PRKN: variants seen among roughly 807,000 people sequenced by gnomAD.
PRKN encodes E3 ubiquitin-protein ligase parkin.
Under a neutral mutation model 59.5 loss-of-function variants are expected in PRKN, and 56 were observed. The ratio of observed to expected loss-of-function variants is 0.94; its 90% CI spans 0.76 to 1.18. The LOEUF (loss-of-function observed/expected upper bound fraction) is 1.18, where lower values mean the gene tolerates loss of function less well. Among genes scored for constraint, PRKN ranks in the 50% most tolerant of loss-of-function variants. PRKN has a pLI of 0.00. For missense variants in PRKN, 657 were observed against 596.4 expected (o/e 1.10, Z -1.06); for synonymous variants, 250 against 222.1 (o/e 1.13, Z -1.12).
intron 2 of PRKN, among the ~76,000 whole-genome samples, chr6:162,358,591 T>C (rs1358404465): frequency 6.6e-6 from 1 of 152,180 alleles, no homozygotes; most frequent in Non-Finnish European, 1.5e-5. Flanking sequence ...ATGATAAAAA[T>C]ATACTTCACC....
In PRKN at chr6:161,497,031, A is replaced by C. The variant is rs867312405; in HGVS notation, c.1083+51823T>G. Among the ~76,000 whole-genome samples the C allele has an allele frequency of 1.7e-4, 26 of 152,310 alleles. No homozygotes were observed. Among genetic ancestry groups the C allele is most frequent in the Middle Eastern group, 6.8e-3 (2 of 294 alleles). On this transcript the variant is annotated intron_variant, in intron 9 of 11. Coordinates refer to ENST00000366898, the MANE Select transcript of PRKN (RefSeq NM_004562.3). The surrounding 1 kb of genome is among the most constrained non-coding windows in gnomAD (Gnocchi z 4.6). ...TGTGGCACTTTATAATGGCAGCCCT[A>C]GGAGCAAATACATCAAGGCAGAAAA...
intron 3 of PRKN, 87 bp downstream of exon 3, chr6:162,262,438 A>C (rs766556838): frequency 6.6e-7 from 1 of 1,518,164 alleles, no homozygotes. Context: ...CATAAACTAA[A>C]TATGCACCCG....
chr6:162,042,114 T>TC (rs1784088518), intron 5 of PRKN, among the ~76,000 whole-genome samples: 1 of 152,100 alleles, frequency 6.6e-6, no homozygotes, highest in Admixed American at 6.5e-5. Flanking sequence ...CTTCTCCATT[T>TC]ATATTTGCTT....
intron 1 of PRKN, among the ~76,000 whole-genome samples, chr6:162,530,680 G>A (rs1450643021): frequency 6.6e-6 from 1 of 152,156 alleles, no homozygotes; most frequent in South Asian, 2.1e-4. Context: ...ATGAGGGATC[G>A]CTATTAGCAG....
intron 1 of PRKN, among the ~76,000 whole-genome samples, chr6:162,667,882 A>G (rs1779164596): frequency 6.6e-6 from 1 of 152,164 alleles, no homozygotes; most frequent in African/African-American, 2.4e-5. Flanking sequence ...AAATTAAATG[A>G]TACATGCAAA....
intron 4 of PRKN, among the ~76,000 whole-genome samples, chr6:162,140,445 G>C (rs1287103869): frequency 2.0e-5 from 3 of 152,158 alleles, no homozygotes. Flanking sequence ...ATGAAGAAAA[G>C]CAATCGTGAC....
intron 7 of PRKN, among the ~76,000 whole-genome samples, chr6:161,617,006 A>C (rs918404614): frequency 3.3e-5 from 5 of 152,150 alleles, no homozygotes; most frequent in African/African-American, 1.2e-4. Flanking sequence ...CAATGGTTGA[A>C]CTAATTTACA....
At chr6:162,374,544 TTTG>T (rs1785950257) in intron 2 of PRKN, among the ~76,000 whole-genome samples, 1 of 152,078 alleles carries the variant, frequency 6.6e-6, no homozygotes, top group South Asian at 2.1e-4. Context: ...TATTTGTTTG[TTTG>T]TTTATTTATT....
At chr6:162,226,971 C>T (rs559038791) in intron 3 of PRKN, among the ~76,000 whole-genome samples, 64 of 152,312 alleles carry the variant, frequency 4.2e-4, no homozygotes, top group African/African-American at 1.3e-3. Flanking sequence ...TCTCTTGCTG[C>T]GCTAATGATC....
intron 1 of PRKN, among the ~76,000 whole-genome samples, chr6:162,511,869 T>G (rs183942607): frequency 1.3e-3 from 202 of 152,318 alleles, no homozygotes; most frequent in South Asian, 5.0e-3. Flanking sequence ...AGATTTTAAT[T>G]TTTAATAATT....
At chr6:161,750,742 G>A (rs192221242) in intron 7 of PRKN, among the ~76,000 whole-genome samples, 275 of 151,286 alleles carry the variant, frequency 1.8e-3, no homozygotes, top group African/African-American at 6.5e-3. Flanking sequence ...ACTCCAGCCT[G>A]GGCAACAAGT....
intron 6 of PRKN, among the ~76,000 whole-genome samples, chr6:161,930,744 G>A (rs1779143093): frequency 6.6e-6 from 1 of 152,202 alleles, no homozygotes; most frequent in Non-Finnish European, 1.5e-5. Flanking sequence ...CAGATATGAT[G>A]AGGATCCTGA....
At chr6:162,032,456 T>A (rs1455296601) in intron 5 of PRKN, among the ~76,000 whole-genome samples, 7 of 152,110 alleles carry the variant, frequency 4.6e-5, no homozygotes, top group Non-Finnish European at 1.0e-4. Context: ...AAAACATGTC[T>A]GAATCTTGAG....
At chr6:162,133,568 G>A (rs1161834459) in intron 4 of PRKN, among the ~76,000 whole-genome samples, 1 of 152,078 alleles carries the variant, frequency 6.6e-6, no homozygotes, top group East Asian at 1.9e-4. Context: ...AGAGAAATAG[G>A]GCTGGAAATA....
chr6:162,673,232 C>A (rs1322192908), intron 1 of PRKN, among the ~76,000 whole-genome samples: 1 of 152,112 alleles, frequency 6.6e-6, no homozygotes, highest in Non-Finnish European at 1.5e-5. Flanking sequence ...TGCTTCGAGG[C>A]AGAAACGGTG....
rs749187156 is a variant in PRKN, at chr6:162,658,674, GAAAAAA to G, written c.7+68982_7+68987del. Among the ~76,000 whole-genome samples, 16 of 97,130 alleles carry G rather than the reference GAAAAAA, an allele frequency of 1.6e-4. No homozygotes were observed. In the East Asian group the frequency reaches 5.1e-3, roughly 31 times the overall value. The allele number at this position is 97,130 out of a possible 152,430, so 63.7% of individuals were successfully genotyped here. ...AGACTCTGTCAAAAAAAAAAAAAAAGAAAAAAAAAAGAAAAAAGAAAAAGAAAAAGA... is the reference window on the plus strand; with the variant it reads ...AGACTCTGTCAAAAAAAAAAAAAAAGAAAAGAAAAAAGAAAAAGAAAAAGA... On this transcript the variant is annotated intron_variant, in intron 1 of 11. Coordinates refer to ENST00000366898, the MANE Select transcript of PRKN (RefSeq NM_004562.3).
intron 6 of PRKN, among the ~76,000 whole-genome samples, chr6:161,824,677 T>G (rs915952625): frequency 1.2e-4 from 19 of 152,210 alleles, no homozygotes; most frequent in Non-Finnish European, 2.6e-4. Context: ...GTGACTAAAT[T>G]GCTACATTTA....
intron 4 of PRKN, among the ~76,000 whole-genome samples, chr6:162,129,647 A>T (rs1215898893): frequency 6.6e-6 from 1 of 152,198 alleles, no homozygotes; most frequent in Admixed American, 6.5e-5. Flanking sequence ...TTATAAAATA[A>T]AGTTAAATAT....
rs947181779 is a variant in PRKN, at chr6:161,372,027, G to A, written c.1168-11822C>T. ...CAAGTGCCACAGACGAGATCTTACA[G>A]AGTCTTGCCCCATGGGGCCCTAAAT... On this transcript the variant is annotated intron_variant, in intron 10 of 11. Coordinates refer to ENST00000366898, the MANE Select transcript of PRKN (RefSeq NM_004562.3). The surrounding 1 kb of genome is among the most constrained non-coding windows in gnomAD (Gnocchi z 4.2). 2.1e-4 allele frequency among the ~76,000 whole-genome samples: 32 copies of A among 152,232 alleles called. No homozygotes were observed. The highest frequency in any genetic ancestry group is 7.7e-4 in the African/African-American group (32 of 41,464).
Sources: gnomAD v4.1 joint callset for allele counts (sites outside exome capture counted in the v4.1 genomes callset) on GRCh38, gnomAD v4.1.1 for gene constraint, Gnocchi (gnomAD v3.1) non-coding constraint, MANE v1.5 for transcripts, NCBI Gene and HGNC (gene_info 2026-07-23, HGNC 2026-07-21) for gene names.